The following SP3 variants were observed in gnomAD, a reference collection of about 807,000 sequenced individuals.
The protein encoded by SP3 is Sp3 transcription factor.
SP3 carries 10 observed loss-of-function variants against 70.3 expected under a neutral mutation model. That is an observed-to-expected ratio of 0.14 (90% CI 0.09 to 0.24). The LOEUF is 0.24. Among genes scored for constraint, SP3 ranks in the 10% least tolerant of loss-of-function variants. The pLI, the probability that SP3 is intolerant of heterozygous loss-of-function variation, is 1.00. For synonymous variants in SP3, 402 were observed against 333.5 expected (o/e 1.21, Z -2.24); for missense variants, 825 against 914.6 (o/e 0.90, Z 1.26).
chr2:173,958,666 T>TA (rs1452636674), intron 3 of SP3, among the ~76,000 whole-genome samples: 1 of 151,406 alleles, frequency 6.6e-6, no homozygotes, highest in Non-Finnish European at 1.5e-5. Flanking sequence ...TTTGCAGTTT[T>TA]AAAAAAATTT....
chr2:173,927,269 T>C (rs746608948), intron 4 of SP3, among the ~76,000 whole-genome samples: 2 of 151,230 alleles, frequency 1.3e-5, no homozygotes, highest in Non-Finnish European at 2.9e-5. Flanking sequence ...CCATATCAAC[T>C]ATATATCTTT....
chr2:173,928,626 C>T (rs139509377), intron 4 of SP3, among the ~76,000 whole-genome samples: 4 of 152,088 alleles, frequency 2.6e-5, no homozygotes, highest in African/African-American at 9.6e-5. Flanking sequence ...TTAAATGATC[C>T]ACTAAACGAC....
At chr2:173,928,057 C>T (rs567980991) in intron 4 of SP3, among the ~76,000 whole-genome samples, 72 of 152,146 alleles carry the variant, frequency 4.7e-4, no homozygotes, top group Non-Finnish European at 9.1e-4. Flanking sequence ...ACTCTCCATC[C>T]TCCACCTCCC....
chr2:173,942,407 A>T (rs1211838329), intron 4 of SP3, among the ~76,000 whole-genome samples: 1 of 152,126 alleles, frequency 6.6e-6, no homozygotes, highest in Non-Finnish European at 1.5e-5. Flanking sequence ...CTCTATGAAA[A>T]ATACAAAAAT....
At chr2:173,952,899 G>C (rs905832145) in intron 4 of SP3, among the ~76,000 whole-genome samples, 1 of 152,188 alleles carries the variant, frequency 6.6e-6, no homozygotes, top group Non-Finnish European at 1.5e-5. Flanking sequence ...GAGGGGAAGT[G>C]AATGATGAGT....
intron 4 of SP3, among the ~76,000 whole-genome samples, chr2:173,925,381 C>A (rs1265398840): frequency 6.6e-6 from 1 of 151,858 alleles, no homozygotes; most frequent in Non-Finnish European, 1.5e-5. Context: ...CAAAATCATA[C>A]AAACAGCAAG....
intron 3 of SP3, among the ~76,000 whole-genome samples, chr2:173,957,412 TAC>T (rs1357009075): frequency 5.3e-5 from 8 of 152,210 alleles, no homozygotes; most frequent in Middle Eastern, 3.4e-3. Flanking sequence ...AAAGATTTCA[TAC>T]AGAGATAAAG....
rs1362793211 is a variant in SP3, at chr2:173,960,396, G to C, written c.279+3365C>G. ...AAGGAAGGAGTATAACTGGAAACAA[G>C]AACAGGTGTGAAGCTGAGGTGGAAA... On this transcript the variant is annotated intron_variant, in intron 3 of 6. Coordinates refer to ENST00000310015, the MANE Select transcript of SP3 (RefSeq NM_003111.5). 2.0e-5 allele frequency among the ~76,000 whole-genome samples: 3 copies of C among 152,306 alleles called. No homozygotes were observed. The East Asian group carries it at 5.8e-4, about 29-fold the overall frequency.
chr2:173,945,756 G>A (rs1690518293), intron 4 of SP3, among the ~76,000 whole-genome samples: 1 of 152,082 alleles, frequency 6.6e-6, no homozygotes, highest in African/African-American at 2.4e-5. Flanking sequence ...CTCCCCCAGG[G>A]GTCTCAGATC....
In SP3 at chr2:173,955,770, C is replaced by G; in HGVS notation, c.742G>C (p.Gly248Arg). 1 of 1,614,140 alleles carries G rather than the reference C, an allele frequency of 6.2e-7. No homozygotes were observed. Among genetic ancestry groups the G allele is most frequent in the South Asian group, 1.1e-5 (1 of 91,080 alleles). The stretch of plus-strand genomic sequence containing the variant: ...ACATTAGCAACTACTTGGGTTTGAC[C>G]AGGAAAAGATGAACCACCAATTGCA... ...GVAIGGSSFP[G>R]QTQVVANVPL... The change falls in exon 4 of 7, where the codon GGT (glycine) becomes CGT (arginine). Residue 248 changes from glycine (G) to arginine (R), a missense_variant. This residue lies in a region of SP3 where 678 missense variants were observed against 651.6 expected (regional missense o/e 1.04). Transcript: ENST00000310015.
chr2:173,946,898 A>G (rs965303469), intron 4 of SP3, among the ~76,000 whole-genome samples: 2 of 137,766 alleles, frequency 1.5e-5, no homozygotes, highest in Admixed American at 7.3e-5. Flanking sequence ...TTTTTTTTTA[A>G]GGTAGACGGA....
intron 4 of SP3, among the ~76,000 whole-genome samples, chr2:173,945,913 G>A (rs766273162): frequency 6.6e-6 from 1 of 152,104 alleles, no homozygotes; most frequent in East Asian, 1.9e-4. Context: ...ATCATTTGAG[G>A]TCAGGAGTTC....
rs866915549 is a variant in SP3, at chr2:173,964,430, G to A, written c.131C>T (p.Ala44Val). The A allele has an allele frequency of 1.4e-6, 1 of 732,832 alleles. No individual in the cohort carries two copies. Among genetic ancestry groups the A allele is most frequent in the Non-Finnish European group, 2.5e-6 (1 of 399,434 alleles). The allele number at this position is 732,832 out of a possible 1,614,324, so 45.4% of individuals were successfully genotyped here. A position where few individuals can be genotyped will look rare whatever the true frequency, so the allele number is the denominator to read the frequency against. The change falls in exon 2 of 7, where the codon GCG becomes GTG. Residue 44 changes from alanine to valine, a missense_variant. Physicochemically the swap from Ala to Val is moderately conservative, Grantham distance 64. This residue lies in a region of SP3 where 678 missense variants were observed against 651.6 expected (regional missense o/e 1.04). Transcript: ENST00000310015. The part of the protein sequence containing the change: ...LQQQQQHGNG[A>V]VAAAAAAQDT... ...CTGGGCCGCCGCTGCCGCCGCCACC[G>A]CACCGTTTCCGTGCTGTTGCTGCTG...
intron 4 of SP3, among the ~76,000 whole-genome samples, chr2:173,950,494 C>G (rs1574420565): frequency 6.6e-6 from 1 of 152,032 alleles, no homozygotes; most frequent in East Asian, 1.9e-4. Flanking sequence ...ACTTGGGCAA[C>G]ATAGCAAGAT....
intron 4 of SP3, among the ~76,000 whole-genome samples, chr2:173,919,676 G>A (rs1689694674): frequency 6.6e-6 from 1 of 152,156 alleles, no homozygotes; most frequent in Non-Finnish European, 1.5e-5. Context: ...CACACCCACA[G>A]AAATGACGAG....
Position 173,913,253 on chromosome 2 carries a change from C to T in SP3, c.1846G>A (p.Gly616Arg). 1.3e-6 allele frequency: 2 copies of T among 1,594,938 alleles called. No individual in the cohort carries two copies. The highest frequency in any genetic ancestry group is 8.6e-7 in the Non-Finnish European group (1 of 1,169,022). Residue 616 changes from glycine to arginine, a missense_variant, in exon 6 of 7, where the codon GGG becomes AGG. Physicochemically the swap from Gly to Arg is moderately radical, Grantham distance 125. Coordinates refer to ENST00000310015, the MANE Select transcript of SP3 (RefSeq NM_003111.5). ...KEGGGRGTNL[G>R]KKKQHICHIP... ...TGACAAATGTGTTGCTTCTTTTTCC[C>T]AAGATTGGTACCTCTAAAAAACACA...
At chr2:173,941,313 T>C (rs537615147) in intron 4 of SP3, among the ~76,000 whole-genome samples, 1 of 152,242 alleles carries the variant, frequency 6.6e-6, no homozygotes, top group South Asian at 2.1e-4. Flanking sequence ...CTCCACAATA[T>C]ATGAATAGAT....
chr2:173,930,648 G>A (rs7583555), intron 4 of SP3, among the ~76,000 whole-genome samples: 5,617 of 152,190 alleles, frequency 0.037, 371 homozygotes, highest in African/African-American at 0.13. Context: ...CCAAGTTACT[G>A]CACGTTAAGT....
At chr2:173,948,652 A>G (rs1690618810) in intron 4 of SP3, among the ~76,000 whole-genome samples, 1 of 152,198 alleles carries the variant, frequency 6.6e-6, no homozygotes, top group Non-Finnish European at 1.5e-5. Context: ...TTCCTAAGAG[A>G]TAAGAGAAAA....
Sources: allele counts gnomAD v4.1 joint callset (sites outside exome capture counted in the v4.1 genomes callset), GRCh38; gene constraint gnomAD v4.1.1; regional missense constraint gnomAD v4.1.1; transcripts MANE v1.5; gene names NCBI Gene and HGNC (gene_info 2026-07-23, HGNC 2026-07-21).